Variants in FAM53A observed in about 807,000 individuals in gnomAD.
FAM53A encodes the protein family with sequence similarity 53 member A.
A neutral mutation model predicts 26.6 loss-of-function variants in FAM53A; 28 were observed. The ratio of observed to expected loss-of-function variants is 1.05; its 90% CI spans 0.78 to 1.45. The LOEUF is 1.45. FAM53A is among the 40% of genes most tolerant of loss of function. The pLI is 0.00. For synonymous variants in FAM53A, 290 were observed against 253.1 expected, an observed-to-expected ratio of 1.15 and a Z score of -1.38; for missense variants, 650 against 575.8, an observed-to-expected ratio of 1.13 and a Z score of -1.32.
chr4:1,590,591 T>C, the FAM53A span, among the ~76,000 whole-genome samples: 11 of 151,964 alleles, frequency 7.2e-5, no homozygotes, highest in African/African-American at 2.7e-4. Context: ...ATCCAAACCA[T>C]TTCAAGCCCT....
chr4:1,637,445 G>T (rs527825231), downstream of FAM53A, among the ~76,000 whole-genome samples: 3 of 152,280 alleles, frequency 2.0e-5, no homozygotes, highest in African/African-American at 7.2e-5. Flanking sequence ...CCTGGGGGAG[G>T]ATGGAGACGT....
chr4:1,627,683 C>T (rs1008008563), intron 1 of FAM53A, among the ~76,000 whole-genome samples: 3 of 152,208 alleles, frequency 2.0e-5, no homozygotes, highest in African/African-American at 7.2e-5. Flanking sequence ...CAGCTGAGGC[C>T]TGCAGGGGAA....
chr4:1,590,954 GCATATATATATA>G, the FAM53A span, among the ~76,000 whole-genome samples: 1 of 23,666 alleles, frequency 4.2e-5, no homozygotes, highest in African/African-American at 1.7e-4. Context: ...ATTATTTAAT[GCATATATATATA>G]TATATATATA....
intron 1 of FAM53A, among the ~76,000 whole-genome samples, chr4:1,670,817 T>C (rs1714583364): frequency 6.6e-6 from 1 of 152,150 alleles, no homozygotes; most frequent in Non-Finnish European, 1.5e-5. Context: ...CCCACGCTGG[T>C]CGATGTCAGC....
intron 2 of FAM53A, among the ~76,000 whole-genome samples, chr4:1,662,280 A>T (rs1423037801): frequency 6.6e-6 from 1 of 152,064 alleles, no homozygotes; most frequent in African/African-American, 2.4e-5. Context: ...GGAGTTCAAG[A>T]CCAGCCTGGC....
intron 1 of FAM53A, among the ~76,000 whole-genome samples, chr4:1,679,247 C>T (rs1030735861): frequency 2.6e-5 from 4 of 151,594 alleles, no homozygotes; most frequent in Admixed American, 6.6e-5. Context: ...ATTAGCCGGG[C>T]GTGTGGGCAC....
At chr4:1,613,377 CCT>C (rs1250646516), downstream of FAM53A, among the ~76,000 whole-genome samples, 2 of 152,210 alleles carry the variant, frequency 1.3e-5, no homozygotes, top group African/African-American at 2.4e-5. Context: ...CCCTCAAAAC[CCT>C]CGGTAAGGGC....
the FAM53A span, among the ~76,000 whole-genome samples, chr4:1,596,404 A>T: frequency 1.9e-5 from 2 of 105,346 alleles, no homozygotes; most frequent in African/African-American, 3.5e-5. Context: ...GTGCGCCCCC[A>T]CCCACCTTCC....
chr4:1,622,436 C>T (rs971206822), intron 1 of FAM53A, among the ~76,000 whole-genome samples: 1 of 152,242 alleles, frequency 6.6e-6, no homozygotes, highest in African/African-American at 2.4e-5. Context: ...CAGGCCCTGG[C>T]CCCACGGCCC....
At chr4:1,662,649 C>CAAAA (rs34936313) in intron 2 of FAM53A, among the ~76,000 whole-genome samples, 3 of 104,504 alleles carry the variant, frequency 2.9e-5, no homozygotes, top group African/African-American at 1.0e-4. Flanking sequence ...GGCCCTGTCT[C>CAAAA]AAAAAAAAAA....
Position 1,655,274 on chromosome 4 carries a change from C to A in FAM53A, c.586G>T (p.Asp196Tyr), listed in dbSNP as rs561741907. Residue 196 changes from aspartate (D) to tyrosine (Y), a missense_variant, in exon 4 of 5, where the codon GAC becomes TAC. Asp to Tyr is a radical substitution (Grantham distance 160). Transcript: ENST00000308132. ...GAGCCCGCACTGCCCTCGCTGCTGT[C>A]CACGAAGCCGCCGCTGGCGGAGGAC... ...RPSSASGGFV[D>Y]SSEGSAGSGP... 149 of 1,429,212 alleles carry A rather than the reference C, an allele frequency of 1.0e-4. 1 individual carries two copies. In the African/African-American group the frequency reaches 2.0e-3, roughly 19 times the overall value. The allele number at this position is 1,429,212 out of a possible 1,614,324, so 88.5% of individuals were successfully genotyped here.
At chr4:1,605,257 G>A in the FAM53A span, among the ~76,000 whole-genome samples, 12 of 152,272 alleles carry the variant, frequency 7.9e-5, no homozygotes, top group East Asian at 2.1e-3. This position sits in a 1 kb window ranked among gnomAD's most constrained non-coding sequence, Gnocchi z 5.7. Context: ...CTCTCAGCGC[G>A]GCCTCAGCTG....
At chr4:1,662,888 C>G (rs111870032) in intron 2 of FAM53A, among the ~76,000 whole-genome samples, 1 of 151,992 alleles carries the variant, frequency 6.6e-6, no homozygotes, top group East Asian at 1.9e-4. Flanking sequence ...CAATAACACG[C>G]GTTGATGAGA....
At chr4:1,617,862 C>G, downstream of FAM53A, 1 of 368,182 alleles carries the variant, frequency 2.7e-6, no homozygotes, top group South Asian at 2.0e-5. Context: ...TGCGCCCACC[C>G]CTTGAAGGGA....
downstream of FAM53A, among the ~76,000 whole-genome samples, chr4:1,614,492 G>C (rs1455085133): frequency 2.1e-5 from 3 of 139,706 alleles, no homozygotes; most frequent in South Asian, 2.5e-4. Flanking sequence ...ACGTGAGGGG[G>C]ACGCAGAGAC....
Position 1,645,285 on chromosome 4 carries a change from C to T in FAM53A, c.883-3678G>A, listed in dbSNP as rs1047409028. Among the ~76,000 whole-genome samples the T allele has an allele frequency of 5.3e-5, 8 of 152,364 alleles. No homozygotes were observed. In the East Asian group the frequency reaches 5.8e-4, roughly 11 times the overall value. ...GGACAGAGATGGCCAGAGCAAGCTC[C>T]GTGCGTGTGTCAGGCGAGGAGGCCA... On this transcript the variant is annotated intron_variant, in intron 4 of 4. Transcript: ENST00000308132.
the FAM53A span, among the ~76,000 whole-genome samples, chr4:1,610,650 T>TG: frequency 3.1e-5 from 4 of 130,896 alleles, no homozygotes; most frequent in East Asian, 9.0e-4. Context: ...TTCCGCGACG[T>TG]GGGGGGCGGC....
Position 1,655,070 on chromosome 4 carries a change from CG to C in FAM53A, c.789del (p.Cys263TrpfsTer28). On this transcript the variant is annotated frameshift_variant, in exon 4 of 5. Transcript: ENST00000308132. LOFTEE classifies it high-confidence loss of function. ...RGLLRCRSQP[C>X]VLSGKRSRRK... ...CGCCGGCTCCTCTTCCCACTGAGCACGCAAGGCTGTGAGCGGCACCGGAGCA... is the reference window on the plus strand; with the variant it reads ...CGCCGGCTCCTCTTCCCACTGAGCACCAAGGCTGTGAGCGGCACCGGAGCA... The C allele has an allele frequency of 6.2e-7, 1 of 1,601,534 alleles. No homozygotes were observed. The highest frequency in any genetic ancestry group is 8.5e-7 in the Non-Finnish European group (1 of 1,173,880).
chr4:1,583,111 T>A, the FAM53A span, among the ~76,000 whole-genome samples: 1 of 152,206 alleles, frequency 6.6e-6, no homozygotes, highest in South Asian at 2.1e-4. Context: ...CCAGTTGTCC[T>A]GGGAGATGGC....
Sources: gnomAD v4.1 joint callset for allele counts (sites outside exome capture counted in the v4.1 genomes callset) on GRCh38, gnomAD v4.1.1 for gene constraint, Gnocchi (gnomAD v3.1) non-coding constraint, MANE v1.5 for transcripts, NCBI Gene and HGNC (gene_info 2026-07-23, HGNC 2026-07-21) for gene names.